ARHGEF28: variants seen among roughly 807,000 people sequenced by gnomAD.
The protein encoded by ARHGEF28 is 190 kDa guanine nucleotide exchange factor.
ARHGEF28 carries 152 observed loss-of-function variants against 206.6 expected under a neutral mutation model. That is an observed-to-expected ratio of 0.74 (90% CI 0.64 to 0.84). The LOEUF (loss-of-function observed/expected upper bound fraction) is 0.84. Among genes scored for constraint, ARHGEF28 ranks in the 40% least tolerant of loss-of-function variants. The pLI is 0.00. For missense variants in ARHGEF28, 2,028 were observed against 2,073.2 expected (o/e 0.98, Z 0.42); for synonymous variants, 763 against 776.4 (o/e 0.98, Z 0.29).
At chr5:73,940,701 G>A (rs965321365) in intron 35 of ARHGEF28, 143 bp from the exon 36 acceptor site, 13 of 581,982 alleles carry the variant, frequency 2.2e-5, no homozygotes, top group South Asian at 6.0e-5. Context: ...CACCTATTAT[G>A]TTCCTTTCTC....
chr5:73,797,308 C>T (rs1754878368), intron 9 of ARHGEF28, among the ~76,000 whole-genome samples: 1 of 152,176 alleles, frequency 6.6e-6, no homozygotes, highest in Admixed American at 6.5e-5. Flanking sequence ...GGACAGCAAG[C>T]TGTGAGCAAT....
At chr5:73,788,370 G>A (rs910465150) in intron 7 of ARHGEF28, among the ~76,000 whole-genome samples, 2 of 152,040 alleles carry the variant, frequency 1.3e-5, no homozygotes, top group African/African-American at 4.8e-5. Context: ...ACTCAGATTA[G>A]GGGCACCAAT....
chr5:73,645,620 G>T (rs759365533), intron 1 of ARHGEF28, among the ~76,000 whole-genome samples: 1 of 152,150 alleles, frequency 6.6e-6, no homozygotes, highest in Non-Finnish European at 1.5e-5. Flanking sequence ...AGAAAATGAA[G>T]TATTGTAAGC....
At position 73,832,455 on chromosome 5, in the gene ARHGEF28, A is replaced by G; in HGVS notation, c.1142A>G (p.Asp381Gly). 2.5e-6 allele frequency: 4 copies of G among 1,612,194 alleles called. No individual in the cohort carries two copies. Among genetic ancestry groups the G allele is most frequent in the Non-Finnish European group, 2.5e-6 (3 of 1,179,212 alleles). The change falls in exon 10 of 36, where the codon GAT becomes GGT. Residue 381 changes from aspartate to glycine, a missense_variant. Transcript: ENST00000513042. ...GTCTACGCTAACTGTATGGTGATTG[A>G]TCAGGTAAGGCCCAACTGACATTAC... ...DEVYANCMVI[D>G]QVGDLDISYI...
chr5:73,928,906 G>A (rs1337316767), intron 35 of ARHGEF28, among the ~76,000 whole-genome samples: 1 of 151,962 alleles, frequency 6.6e-6, no homozygotes, highest in Non-Finnish European at 1.5e-5. Flanking sequence ...AATTCAGCGC[G>A]CTCAGAAAAA....
At chr5:73,782,211 G>A (rs1307077062) in intron 7 of ARHGEF28, among the ~76,000 whole-genome samples, 4 of 151,884 alleles carry the variant, frequency 2.6e-5, no homozygotes, top group Non-Finnish European at 5.9e-5. Flanking sequence ...GGCCGAGGTG[G>A]GTGGATCACC....
chr5:73,711,334 A>G (rs987395683), intron 2 of ARHGEF28, among the ~76,000 whole-genome samples: 5 of 152,124 alleles, frequency 3.3e-5, no homozygotes, highest in African/African-American at 9.7e-5. Flanking sequence ...CATAAATTTT[A>G]TAATCAAGTT....
intron 10 of ARHGEF28, among the ~76,000 whole-genome samples, chr5:73,833,935 G>A (rs935348892): frequency 3.9e-5 from 6 of 152,028 alleles, no homozygotes; most frequent in African/African-American, 1.4e-4. Context: ...CTTGACACAT[G>A]GGAATTATTA....
chr5:73,795,323 T>A lies in ARHGEF28; in HGVS notation c.964-8T>A. The A allele has an allele frequency of 1.2e-6, 2 of 1,612,834 alleles. No homozygotes were observed. Among genetic ancestry groups the A allele is most frequent in the Non-Finnish European group, 1.7e-6 (2 of 1,179,420 alleles). On this transcript the variant is annotated splice_polypyrimidine_tract_variant and splice_region_variant and intron_variant, in intron 8 of 35. Transcript: ENST00000513042. Reference sequence around the variant, plus strand: ...TTTTAAAAATCCACCTGACTTTATCTCTTCCAGCGTGTCAAAAGCCTGGTG... The same window carrying A: ...TTTTAAAAATCCACCTGACTTTATCACTTCCAGCGTGTCAAAAGCCTGGTG...
chr5:73,876,904 A>T (rs1421512219), intron 22 of ARHGEF28, among the ~76,000 whole-genome samples: 16 of 142,738 alleles, frequency 1.1e-4, no homozygotes, highest in African/African-American at 4.0e-4. Flanking sequence ...TGTCTCTGCC[A>T]GGCTTTGGTA....
At chr5:73,914,619 A>G (rs1763103802) in intron 35 of ARHGEF28, among the ~76,000 whole-genome samples, 1 of 151,850 alleles carries the variant, frequency 6.6e-6, no homozygotes, top group South Asian at 2.1e-4. Context: ...CTGGTCTCGA[A>G]CTCCTGACCT....
intron 1 of ARHGEF28, among the ~76,000 whole-genome samples, chr5:73,671,253 G>GT (rs1457598833): frequency 6.6e-6 from 1 of 151,960 alleles, no homozygotes; most frequent in Non-Finnish European, 1.5e-5. Flanking sequence ...GCTTACAAAA[G>GT]TAAGAGCAAG....
intron 1 of ARHGEF28, among the ~76,000 whole-genome samples, chr5:73,632,173 G>A (rs1743410873): frequency 6.6e-6 from 1 of 152,158 alleles, no homozygotes; most frequent in Non-Finnish European, 1.5e-5. Context: ...GTTTTCCTGG[G>A]TATCCGATGT....
intron 25 of ARHGEF28, among the ~76,000 whole-genome samples, chr5:73,886,775 T>G (rs1274063724): frequency 2.0e-5 from 3 of 152,214 alleles, no homozygotes; most frequent in Non-Finnish European, 4.4e-5. Context: ...CTCCCAGAGA[T>G]TCTGATTTTT....
chr5:73,844,461 CA>C (rs1275222030), intron 11 of ARHGEF28, among the ~76,000 whole-genome samples: 5 of 151,990 alleles, frequency 3.3e-5, no homozygotes, highest in African/African-American at 1.2e-4. Flanking sequence ...TAGATTAGTT[CA>C]AAAACTAATC....
chr5:73,773,401 G>A (rs13164180), intron 4 of ARHGEF28, among the ~76,000 whole-genome samples: 95,314 of 152,070 alleles, frequency 0.63, 30,641 homozygotes, highest in Non-Finnish European at 0.7. Flanking sequence ...GGGGAGGAGC[G>A]GCTCTGAGGA....
intron 22 of ARHGEF28, among the ~76,000 whole-genome samples, chr5:73,876,587 T>C: frequency 1.4e-5 from 2 of 147,858 alleles, no homozygotes; most frequent in African/African-American, 5.1e-5. Context: ...TATTTTGAGA[T>C]ACGTCCCATC....
At chr5:73,695,780 T>C (rs996077835) in intron 2 of ARHGEF28, among the ~76,000 whole-genome samples, 3 of 152,178 alleles carry the variant, frequency 2.0e-5, no homozygotes, top group African/African-American at 7.2e-5. Context: ...CTCTTCAGAG[T>C]TGCCATTTTC....
chr5:73,695,146 G>C (rs1343661047), intron 2 of ARHGEF28, among the ~76,000 whole-genome samples: 1 of 152,196 alleles, frequency 6.6e-6, no homozygotes, highest in Non-Finnish European at 1.5e-5. Context: ...TGCATTGTGA[G>C]GGAGGGGAGA....
Sources: gnomAD v4.1 joint callset for allele counts (sites outside exome capture counted in the v4.1 genomes callset) on GRCh38, gnomAD v4.1.1 for gene constraint, MANE v1.5 for transcripts, NCBI Gene and HGNC (gene_info 2026-07-23, HGNC 2026-07-21) for gene names.